SIGLEC9: variants seen among roughly 807,000 people sequenced by gnomAD.
SIGLEC9 encodes the protein sialic acid binding Ig like lectin 9.
In SIGLEC9, 26 loss-of-function variants were observed where a neutral mutation model predicts 38.3. The observed-to-expected ratio is 0.68, with a 90% CI of 0.50 to 0.94. The LOEUF (loss-of-function observed/expected upper bound fraction) is 0.94, where lower values mean the gene tolerates loss of function less well. Among genes scored for constraint, SIGLEC9 ranks in the 40% least tolerant of loss-of-function variants. SIGLEC9 has a pLI of 0.00. For missense variants in SIGLEC9, 556 were observed against 585.7 expected, an observed-to-expected ratio of 0.95 and a Z score of 0.52; for synonymous variants, 236 against 248.0, an observed-to-expected ratio of 0.95 and a Z score of 0.45.
At chr19:51,130,890 G>A (rs1422191529), downstream of SIGLEC9, among the ~76,000 whole-genome samples, 2 of 152,142 alleles carry the variant, frequency 1.3e-5, no homozygotes, top group African/African-American at 4.8e-5. Flanking sequence ...TCATACCTCA[G>A]TCCTTGCACA....
chr19:51,133,041 T>G (rs762767002), downstream of SIGLEC9, among the ~76,000 whole-genome samples: 1 of 151,618 alleles, frequency 6.6e-6, no homozygotes, highest in Non-Finnish European at 1.5e-5. Flanking sequence ...AGTTTATATA[T>G]ATACATATAT....
At chr19:51,131,590 AAAATAAAT>A (rs1187232159), downstream of SIGLEC9, among the ~76,000 whole-genome samples, 874 of 150,658 alleles carry the variant, frequency 5.8e-3, 8 homozygotes, top group African/African-American at 0.018. Context: ...CGTCTCAAAA[AAAATAAAT>A]AAATAAATAA....
chr19:51,122,165 T>G (rs2091951379), upstream of SIGLEC9, among the ~76,000 whole-genome samples: 1 of 152,176 alleles, frequency 6.6e-6, no homozygotes, highest in Admixed American at 6.5e-5. The surrounding 1 kb of genome is among the most constrained non-coding windows in gnomAD (Gnocchi z 4.1). Flanking sequence ...ACATCCCTCG[T>G]CCTTCACTTG....
At chr19:51,129,752 T>G (rs557434983) in intron 6 of SIGLEC9, 139 bp from the exon 7 acceptor site, 1 of 616,708 alleles carries the variant, frequency 1.6e-6, no homozygotes, top group Non-Finnish European at 2.8e-6. Flanking sequence ...TTTCACCATG[T>G]TGGCCAGGCT....
At chr19:51,126,599 C>A (rs10421898) in intron 3 of SIGLEC9, among the ~76,000 whole-genome samples, 1 of 152,310 alleles carries the variant, frequency 6.6e-6, no homozygotes, top group East Asian at 1.9e-4. Flanking sequence ...CCTGGAGGAT[C>A]TCAGAGGTGG....
downstream of SIGLEC9, among the ~76,000 whole-genome samples, chr19:51,133,045 CAT>C (rs1190911403): frequency 4.0e-5 from 6 of 151,232 alleles, no homozygotes; most frequent in Non-Finnish European, 8.8e-5. Flanking sequence ...TATATATATA[CAT>C]ATATAGTTAT....
upstream of SIGLEC9, among the ~76,000 whole-genome samples, chr19:51,121,321 C>A (rs2091949762): frequency 6.6e-6 from 1 of 151,086 alleles, no homozygotes; most frequent in South Asian, 2.1e-4. Flanking sequence ...ATGCCCGGCT[C>A]ACCCTTGCCT....
rs767306963 is a variant in SIGLEC9 at position 51,129,887 on chromosome 19, T to C, written c.1204-4T>C. 65 of 1,571,170 alleles carry C rather than the reference T, an allele frequency of 4.1e-5. No homozygotes were observed. Among genetic ancestry groups the C allele is most frequent in the Non-Finnish European group, 5.5e-5 (64 of 1,160,304 alleles). On this transcript the variant is annotated splice_polypyrimidine_tract_variant and splice_region_variant and intron_variant, in intron 6 of 6. Transcript: ENST00000250360. Reference sequence around the variant, plus strand: ...CTGACTCACTTCTCTCTCCCATGTCTCAGGGGCCCCTGACTGAACCTTGGG... The same window carrying C: ...CTGACTCACTTCTCTCTCCCATGTCCCAGGGGCCCCTGACTGAACCTTGGG...
At position 51,130,262 on chromosome 19, in the gene SIGLEC9, A is replaced by G; in HGVS notation, c.*183A>G. On this transcript the variant is annotated 3_prime_UTR_variant, in exon 7 of 7. Coordinates refer to ENST00000250360, the MANE Select transcript of SIGLEC9 (RefSeq NM_014441.3). ...CAAAGTATCTCAAACCTGAATCCAC[A>G]CTGTGCCCTCCCTTTTATTTTTTTA... 8.5e-7 allele frequency: 1 copy of G among 1,176,418 alleles called. No individual in the cohort carries two copies. The allele number at this position is 1,176,418 out of a possible 1,614,324, so 72.9% of individuals were successfully genotyped here. A position where few individuals can be genotyped will look rare whatever the true frequency, so the allele number is the denominator to read the frequency against.
chr19:51,124,837 CCT>C, upstream of SIGLEC9: 4 of 1,116,238 alleles, frequency 3.6e-6, no homozygotes, highest in South Asian at 6.4e-5. Context: ...TAAAGTTCCT[CCT>C]CTGAGGAGGT....
At position 51,125,388 on chromosome 19, in the gene SIGLEC9, T is replaced by G; in HGVS notation, c.414T>G (p.Asn138Lys). 6.3e-7 allele frequency: 1 copy of G among 1,580,904 alleles called. No homozygotes were observed. Among genetic ancestry groups the G allele is most frequent in the Non-Finnish European group, 8.6e-7 (1 of 1,162,294 alleles). ...ATAAACATCACCGGCTCTCTGTGAA[T>G]GTGACAGGTAAGGCACAGGCTCCAG... ...WNYKHHRLSV[N>K]VTALTHRPNI... The change falls in exon 1 of 7, where the codon AAT (asparagine) becomes AAG (lysine). Residue 138 changes from asparagine to lysine, a missense_variant. Transcript: ENST00000250360.
In SIGLEC9 at chr19:51,127,369, C is replaced by T. The variant is rs546436095; in HGVS notation, c.1015+73C>T. ...TCCTCCACCCTTAGTAACTGCTGAG[C>T]GTGGACCTTCAGAGAGGAGCTCCGC... On this transcript the variant is annotated intron_variant, in intron 4 of 6. Coordinates refer to ENST00000250360, the MANE Select transcript of SIGLEC9 (RefSeq NM_014441.3). 492 of 1,456,536 alleles carry T rather than the reference C, an allele frequency of 3.4e-4. 1 individual carries two copies. In the African/African-American group the frequency reaches 3.8e-3, roughly 11 times the overall value. 90.2% of individuals were successfully genotyped at this position (1,456,536 alleles called of 1,614,324 possible).
chr19:51,129,364 T>A (rs541957975), intron 6 of SIGLEC9, among the ~76,000 whole-genome samples: 31 of 151,922 alleles, frequency 2.0e-4, no homozygotes, highest in Admixed American at 5.2e-4. Context: ...TTTCACTGTG[T>A]TAGCCAGGAT....
In SIGLEC9 at chr19:51,128,480, T is replaced by C. The variant is rs1355963249; in HGVS notation, c.1173T>C (p.Asp391=). Residue 391 remains aspartate, a synonymous_variant, in exon 6 of 7, where the codon GAT becomes GAC. Coordinates refer to ENST00000250360, the MANE Select transcript of SIGLEC9 (RefSeq NM_014441.3). The part of the protein sequence containing the change: ...AAGVGDTGIE[D]ANAVRGSASQ... Reference sequence around the variant, plus strand: ...GCGTGGGAGATACGGGCATAGAGGATGCAAACGCTGTCAGGGGTTCAGCCT... The same window carrying C: ...GCGTGGGAGATACGGGCATAGAGGACGCAAACGCTGTCAGGGGTTCAGCCT... 1 of 1,614,056 alleles carries C rather than the reference T, an allele frequency of 6.2e-7. No individual in the cohort carries two copies. The highest frequency in any genetic ancestry group is 8.5e-7 in the Non-Finnish European group (1 of 1,179,958).
At chr19:51,126,555 T>A (rs1250439726) in intron 3 of SIGLEC9, among the ~76,000 whole-genome samples, 2 of 152,134 alleles carry the variant, frequency 1.3e-5, no homozygotes, top group Non-Finnish European at 2.9e-5. Context: ...CCAACCACTG[T>A]CCATCCAGGC....
chr19:51,123,431 T>G (rs552285680), upstream of SIGLEC9, among the ~76,000 whole-genome samples: 1 of 152,330 alleles, frequency 6.6e-6, no homozygotes, highest in African/African-American at 2.4e-5. Context: ...CACCCAGCCC[T>G]GCAGAACAGA....
upstream of SIGLEC9, among the ~76,000 whole-genome samples, chr19:51,123,735 G>C (rs538117862): frequency 6.6e-6 from 1 of 152,140 alleles, no homozygotes; most frequent in Non-Finnish European, 1.5e-5. Flanking sequence ...AAACCGCTGA[G>C]ATTTTTTCTT....
chr19:51,135,554 G>C (rs1159985617), intron 6 of SIGLEC9, among the ~76,000 whole-genome samples: 1 of 152,080 alleles, frequency 6.6e-6, no homozygotes, highest in African/African-American at 2.4e-5. Flanking sequence ...CTCTGTGTCT[G>C]GGGGATGGTA....
chr19:51,124,868 CCT>C (rs2091965098), upstream of SIGLEC9: 3 of 1,436,034 alleles, frequency 2.1e-6, no homozygotes, highest in South Asian at 2.7e-5. Context: ...CGACCTCGCC[CCT>C]GTCTTCCTGT....
Sources: gnomAD v4.1 joint callset for allele counts (sites outside exome capture counted in the v4.1 genomes callset) on GRCh38, gnomAD v4.1.1 for gene constraint, Gnocchi (gnomAD v3.1) non-coding constraint, MANE v1.5 for transcripts, NCBI Gene and HGNC (gene_info 2026-07-23, HGNC 2026-07-21) for gene names.